Variants in CAMTA1 observed in about 807,000 individuals in gnomAD.
CAMTA1 encodes the protein calmodulin binding transcription activator 1, also known as calmodulin-binding transcription activator 1.
CAMTA1 carries 27 observed loss-of-function variants against 170.9 expected under a neutral mutation model. The ratio of observed to expected loss-of-function variants is 0.16; its 90% CI spans 0.12 to 0.22. The LOEUF (loss-of-function observed/expected upper bound fraction) is 0.22. Among genes scored for constraint, CAMTA1 ranks in the 10% least tolerant of loss-of-function variants. CAMTA1 has a pLI of 1.00. For synonymous variants in CAMTA1, 833 were observed against 891.5 expected (o/e 0.93, Z 1.17); for missense variants, 1,619 against 2,217.2 (o/e 0.73, Z 5.42).
In CAMTA1 at chr1:7,568,580, TCAA is replaced by T. The variant is rs556345890; in HGVS notation, c.511-71817_511-71815del. Among the ~76,000 whole-genome samples, 392 of 137,452 alleles carry T rather than the reference TCAA, an allele frequency of 2.9e-3. 4 individuals are homozygous for T. The highest frequency in any genetic ancestry group is 0.011 in the African/African-American group (377 of 34,732). 90.2% of individuals were successfully genotyped at this position (137,452 alleles called of 152,430 possible). ...TCACCATCACCACCGACAACCATCA[TCAA>T]CATCACCATCATCATCACCACATCA... On this transcript the variant is annotated intron_variant, in intron 6 of 22. Coordinates refer to ENST00000303635, the MANE Select transcript of CAMTA1 (RefSeq NM_015215.4).
chr1:7,700,863 G>A (rs1414002775), intron 11 of CAMTA1: 1 of 152,246 alleles, frequency 6.6e-6, no homozygotes, highest in Non-Finnish European at 1.5e-5. Context: ...TTTCCCTGGA[G>A]TGTATTGAAA....
intron 1 of CAMTA1, among the ~76,000 whole-genome samples, chr1:6,788,778 T>C (rs1235283575): frequency 1.3e-5 from 2 of 152,114 alleles, no homozygotes; most frequent in African/African-American, 4.8e-5. Context: ...TAAAGATTGG[T>C]TGGAAGAAGA....
intron 6 of CAMTA1, among the ~76,000 whole-genome samples, chr1:7,477,033 G>A (rs904736170): frequency 6.6e-6 from 1 of 152,174 alleles, no homozygotes; most frequent in Non-Finnish European, 1.5e-5. Context: ...CCCAGCAGAC[G>A]CTTGCGCCAT....
At chr1:6,926,450 T>TTTC (rs774999661) in intron 3 of CAMTA1, among the ~76,000 whole-genome samples, 2 of 69,438 alleles carry the variant, frequency 2.9e-5, no homozygotes, top group Non-Finnish European at 5.9e-5. Flanking sequence ...CTTTCTTTCT[T>TTTC]TCTTTCTTTC....
At chr1:7,240,839 T>C (rs1664736989) in intron 4 of CAMTA1, among the ~76,000 whole-genome samples, 1 of 152,198 alleles carries the variant, frequency 6.6e-6, no homozygotes, top group South Asian at 2.1e-4. Context: ...AAGTCTTCCA[T>C]ACAGCTAACA....
At chr1:6,792,389 G>A (rs1293884112) in intron 1 of CAMTA1, among the ~76,000 whole-genome samples, 3 of 151,398 alleles carry the variant, frequency 2.0e-5, no homozygotes. Flanking sequence ...TATTTCTAAG[G>A]TTGTATTGCA....
intron 9 of CAMTA1, among the ~76,000 whole-genome samples, chr1:7,667,766 C>T (rs1237951965): frequency 4.6e-5 from 7 of 151,106 alleles, no homozygotes; most frequent in African/African-American, 1.7e-4. Context: ...CCTGGCAGCC[C>T]AGCAGAGGGA....
At chr1:7,509,035 G>C (rs934386318) in intron 6 of CAMTA1, among the ~76,000 whole-genome samples, 1 of 152,174 alleles carries the variant, frequency 6.6e-6, no homozygotes, top group African/African-American at 2.4e-5. Context: ...TCCCGGGTCT[G>C]TCCTGGGCTC....
At chr1:6,886,391 G>C in intron 3 of CAMTA1, 1 of 415,742 alleles carries the variant, frequency 2.4e-6, no homozygotes, top group South Asian at 1.8e-5. Flanking sequence ...TTGTTGTGCT[G>C]ATATCTTAAG....
chr1:6,805,150 A>G (rs1418969524), intron 1 of CAMTA1, among the ~76,000 whole-genome samples: 1 of 152,236 alleles, frequency 6.6e-6, no homozygotes, highest in African/African-American at 2.4e-5. Flanking sequence ...ACCAGCAAGT[A>G]TGAGAGTTGT....
intron 22 of CAMTA1, among the ~76,000 whole-genome samples, chr1:7,756,847 CAAACAAAACA>C (rs200786659): frequency 3.9e-4 from 58 of 149,206 alleles, no homozygotes; most frequent in Admixed American, 1.3e-3. Flanking sequence ...GACCCTGTCT[CAAACAAAACA>C]AAACAAAACA....
intron 5 of CAMTA1, among the ~76,000 whole-genome samples, chr1:7,419,558 G>T (rs187629182): frequency 6.6e-6 from 1 of 152,240 alleles, no homozygotes; most frequent in Admixed American, 6.5e-5. Flanking sequence ...CAGTCTCGTG[G>T]TTCTAAACAC....
chr1:7,404,136 G>A (rs1420956787), intron 5 of CAMTA1, among the ~76,000 whole-genome samples: 2 of 152,158 alleles, frequency 1.3e-5, no homozygotes, highest in South Asian at 2.1e-4. Flanking sequence ...CCCATCCGAT[G>A]TCACAGTTTT....
intron 6 of CAMTA1, among the ~76,000 whole-genome samples, chr1:7,527,774 G>T (rs1282556915): frequency 1.3e-5 from 2 of 152,196 alleles, no homozygotes; most frequent in African/African-American, 4.8e-5. Context: ...AGGGGAAAGG[G>T]TGCCTCACTT....
In CAMTA1 at chr1:7,681,914, G is replaced by C. The variant is rs550102009; in HGVS notation, c.2914+4181G>C. Among the ~76,000 whole-genome samples, 3 of 152,286 alleles carry C rather than the reference G, an allele frequency of 2.0e-5. No homozygotes were observed. The East Asian group carries it at 5.8e-4, about 29-fold the overall frequency. ...AGAAGAGAAGGTGAGCGGAATTTTT[G>C]TGTGCCTCTTTCTTGTCTTACAGCA... On this transcript the variant is annotated intron_variant, in intron 11 of 22. Coordinates refer to ENST00000303635, the MANE Select transcript of CAMTA1 (RefSeq NM_015215.4). The surrounding 1 kb of genome is among the most constrained non-coding windows in gnomAD (Gnocchi z 4.6).
chr1:7,617,161 A>G (rs1002422012), intron 6 of CAMTA1, among the ~76,000 whole-genome samples: 17 of 152,220 alleles, frequency 1.1e-4, no homozygotes, highest in African/African-American at 3.9e-4. Context: ...CTTCACTTCC[A>G]GCCAAGCGGC....
At chr1:7,316,910 G>A (rs1408539254) in intron 5 of CAMTA1, among the ~76,000 whole-genome samples, 1 of 152,200 alleles carries the variant, frequency 6.6e-6, no homozygotes, top group East Asian at 1.9e-4. Context: ...GCAGTGTATG[G>A]GAGAGCGGCA....
chr1:7,198,688 A>G lies in CAMTA1; in HGVS notation c.303-50803A>G, dbSNP rs537705625. On this transcript the variant is annotated intron_variant, in intron 4 of 22. Transcript: ENST00000303635. ...ACCTCTAGGACCTCTTCTTGCTGTG[A>G]CTCTGCTTGGGACCATCTTTCCTGA... 4.6e-5 allele frequency among the ~76,000 whole-genome samples: 7 copies of G among 151,594 alleles called. No homozygotes were observed. In the South Asian group the frequency reaches 1.3e-3, roughly 27 times the overall value.
At chr1:7,599,215 G>A (rs2095422457) in intron 6 of CAMTA1, among the ~76,000 whole-genome samples, 1 of 152,096 alleles carries the variant, frequency 6.6e-6, no homozygotes, top group Non-Finnish European at 1.5e-5. Context: ...CCCATTTCTT[G>A]TTTTTGTCAG....
Sources: gnomAD v4.1 joint callset for allele counts (sites outside exome capture counted in the v4.1 genomes callset) on GRCh38, gnomAD v4.1.1 for gene constraint, Gnocchi (gnomAD v3.1) non-coding constraint, MANE v1.5 for transcripts, NCBI Gene and HGNC (gene_info 2026-07-23, HGNC 2026-07-21) for gene names.